Variants in OSBPL5 observed in about 807,000 individuals in gnomAD.
The protein encoded by OSBPL5 is oxysterol-binding protein-related protein 5.
In OSBPL5, 71 loss-of-function variants were observed where a neutral mutation model predicts 111.2. That is an observed-to-expected ratio of 0.64 (90% CI 0.53 to 0.78). The LOEUF is 0.78. Ranked by LOEUF, OSBPL5 falls within the 30% of genes least tolerant of loss-of-function variation. OSBPL5 has a pLI of 0.00. For missense variants in OSBPL5, 1,210 were observed against 1,189.3 expected (o/e 1.02, Z -0.26); for synonymous variants, 549 against 513.9 (o/e 1.07, Z -0.93).
At chr11:3,152,160 G>A (rs1407817293) in intron 1 of OSBPL5, among the ~76,000 whole-genome samples, 1 of 152,208 alleles carries the variant, frequency 6.6e-6, no homozygotes, top group African/African-American at 2.4e-5. Context: ...TGGCCCTGGG[G>A]GCAAAGCTCA....
In OSBPL5 at chr11:3,141,970, T is replaced by C. The variant is rs935934628; in HGVS notation, c.-21-12801A>G. ...CTCTGTTGCCCAGACTGGAGTACAA[T>C]GGCACGATCTTGGCTCACTGCAACC... On this transcript the variant is annotated intron_variant, in intron 1 of 21. Transcript: ENST00000263650. The surrounding 1 kb of genome is among the most constrained non-coding windows in gnomAD (Gnocchi z 6.5). 6.6e-6 allele frequency among the ~76,000 whole-genome samples: 1 copy of C among 152,222 alleles called. No individual in the cohort carries two copies. The highest frequency in any genetic ancestry group is 1.5e-5 in the Non-Finnish European group (1 of 68,036).
chr11:3,122,553 G>T (rs535377357), intron 3 of OSBPL5, 125 bp from the exon 4 acceptor site: 4 of 785,310 alleles, frequency 5.1e-6, no homozygotes, highest in South Asian at 2.0e-5. Context: ...CTCGTTTCCC[G>T]CCTGGCACCC....
At chr11:3,117,501 T>G (rs960584463) in intron 7 of OSBPL5, among the ~76,000 whole-genome samples, 1 of 152,228 alleles carries the variant, frequency 6.6e-6, no homozygotes, top group Admixed American at 6.5e-5. Context: ...TAATTACTCT[T>G]GCTGCACTGT....
At position 3,112,478 on chromosome 11, in the gene OSBPL5, CTTTT is replaced by C. The variant is rs559601032; in HGVS notation, c.692-4537_692-4534del. On this transcript the variant is annotated intron_variant, in intron 7 of 21. Coordinates refer to ENST00000263650, the MANE Select transcript of OSBPL5 (RefSeq NM_020896.4). Reference sequence around the variant, plus strand: ...TGTAACCTGTTTTGTGTTTTCTTTTCTTTTTTTTTTTTTTTTTGACTAAAGTAGT... The same window carrying C: ...TGTAACCTGTTTTGTGTTTTCTTTTCTTTTTTTTTTTTTGACTAAAGTAGT... Among the ~76,000 whole-genome samples the C allele has an allele frequency of 1.1e-4, 12 of 108,780 alleles. No individual in the cohort carries two copies. The East Asian group carries it at 1.7e-3, about 16-fold the overall frequency. The allele number at this position is 108,780 out of a possible 152,430, so 71.4% of individuals were successfully genotyped here. A position where few individuals can be genotyped will look rare whatever the true frequency, so the allele number is the denominator to read the frequency against.
Position 3,140,950 on chromosome 11 carries a change from C to T in OSBPL5, c.-21-11781G>A, listed in dbSNP as rs559105096. On this transcript the variant is annotated intron_variant, in intron 1 of 21. Coordinates refer to ENST00000263650, the MANE Select transcript of OSBPL5 (RefSeq NM_020896.4). This position sits in a 1 kb window ranked among gnomAD's most constrained non-coding sequence, Gnocchi z 4.5. ...GACCACCTCAGAGCCACTCCTTCCC[C>T]GATGCCATCTGTCAAGGGTCAGGGG... Among the ~76,000 whole-genome samples the T allele has an allele frequency of 5.3e-5, 8 of 152,172 alleles. No homozygotes were observed. Among genetic ancestry groups the T allele is most frequent in the South Asian group, 2.1e-4 (1 of 4,826 alleles).
In OSBPL5 at chr11:3,107,621, G is replaced by A. The variant is rs193153891; in HGVS notation, c.866+150C>T. On this transcript the variant is annotated intron_variant, in intron 8 of 21. Transcript: ENST00000263650. The surrounding 1 kb of genome is among the most constrained non-coding windows in gnomAD (Gnocchi z 6.1). Reference sequence around the variant, plus strand: ...CAGCCCCGTTTTAGAGGAAGGAACCGAGGCTCCCAGGGCACACTGCAGCGA... The same window carrying A: ...CAGCCCCGTTTTAGAGGAAGGAACCAAGGCTCCCAGGGCACACTGCAGCGA... 18 of 1,354,504 alleles carry A rather than the reference G, an allele frequency of 1.3e-5. No homozygotes were observed. The African/African-American group carries it at 1.6e-4, about 12-fold the overall frequency. 83.9% of individuals were successfully genotyped at this position (1,354,504 alleles called of 1,614,324 possible).
intron 1 of OSBPL5, among the ~76,000 whole-genome samples, chr11:3,144,335 A>G (rs1040884800): frequency 3.9e-5 from 6 of 152,168 alleles, no homozygotes; most frequent in Non-Finnish European, 8.8e-5. Context: ...GACATGGTAA[A>G]GCCCCATGAC....
rs1049783188 is a variant in OSBPL5 at position 3,162,788 on chromosome 11, T to A, written c.-22+2428A>T. 1.3e-5 allele frequency among the ~76,000 whole-genome samples: 2 copies of A among 151,924 alleles called. No individual in the cohort carries two copies. The highest frequency in any genetic ancestry group is 2.4e-5 in the African/African-American group (1 of 41,360). On this transcript the variant is annotated intron_variant, in intron 1 of 21. Transcript: ENST00000263650. The surrounding 1 kb of genome is among the most constrained non-coding windows in gnomAD (Gnocchi z 8.1). ...GGTAAGTCATCAAGCAAAGCTGGCA[T>A]CGAGAACAATATTCTTTTCCTTTGT...
Position 3,162,206 on chromosome 11 carries a change from T to G in OSBPL5, c.-22+3010A>C, listed in dbSNP as rs1028315940. ...AAAGGGGAGCCTACTAGGTAGCTGATGTGGAGCTCCAGGCAAGAGCTGGTA... is the reference window on the plus strand; with the variant it reads ...AAAGGGGAGCCTACTAGGTAGCTGAGGTGGAGCTCCAGGCAAGAGCTGGTA... On this transcript the variant is annotated intron_variant, in intron 1 of 21. Coordinates refer to ENST00000263650, the MANE Select transcript of OSBPL5 (RefSeq NM_020896.4). The surrounding 1 kb of genome is among the most constrained non-coding windows in gnomAD (Gnocchi z 8.1). Among the ~76,000 whole-genome samples the G allele has an allele frequency of 6.6e-6, 1 of 151,884 alleles. No homozygotes were observed.
At chr11:3,153,809 G>A (rs558445747) in intron 1 of OSBPL5, among the ~76,000 whole-genome samples, 36 of 152,254 alleles carry the variant, frequency 2.4e-4, no homozygotes, top group Admixed American at 6.5e-4. Context: ...GCCCGGCTGC[G>A]GGTGACGGGT....
At chr11:3,159,814 A>G (rs1403320952) in intron 1 of OSBPL5, among the ~76,000 whole-genome samples, 2 of 152,086 alleles carry the variant, frequency 1.3e-5, no homozygotes, top group Non-Finnish European at 1.5e-5. Context: ...CACCCACACA[A>G]TGGCTGATGC....
At position 3,104,257 on chromosome 11, in the gene OSBPL5, G is replaced by C. The variant is rs775213446; in HGVS notation, c.1180C>G (p.Leu394Val). 6.2e-7 allele frequency: 1 copy of C among 1,613,754 alleles called. No individual in the cohort carries two copies. ...TTGTTCAGGAAGGAGCGCGGCTCCAGTACGAACGTGGGTAGCACCACGCGG... is the reference window on the plus strand; with the variant it reads ...TTGTTCAGGAAGGAGCGCGGCTCCACTACGAACGTGGGTAGCACCACGCGG... ...LSRVVLPTFV[L>V]EPRSFLNKLS... is the part of the protein sequence containing the mutation. Residue 394 changes from leucine (L) to valine (V), a missense_variant, in exon 10 of 22, where the codon CTG (leucine) becomes GTG (valine). Coordinates refer to ENST00000263650, the MANE Select transcript of OSBPL5 (RefSeq NM_020896.4). The surrounding 1 kb of genome is among the most constrained non-coding windows in gnomAD (Gnocchi z 5.0).
At chr11:3,133,720 C>G (rs1053609501) in intron 1 of OSBPL5, among the ~76,000 whole-genome samples, 1 of 152,276 alleles carries the variant, frequency 6.6e-6, no homozygotes, top group Non-Finnish European at 1.5e-5. Flanking sequence ...GTGATCTCAT[C>G]CTGCCCCCAC....
At chr11:3,122,466 G>T in intron 3 of OSBPL5, 38 bp from the exon 4 acceptor site, 1 of 1,600,294 alleles carries the variant, frequency 6.2e-7, no homozygotes, top group East Asian at 2.2e-5. Flanking sequence ...CAGGGCACAG[G>T]GGCCGGCCCA....
At chr11:3,149,408 G>A (rs926059369) in intron 1 of OSBPL5, among the ~76,000 whole-genome samples, 4 of 152,236 alleles carry the variant, frequency 2.6e-5, no homozygotes, top group African/African-American at 9.6e-5. Context: ...TCTGGTGAGG[G>A]AGGCAGTGAG....
chr11:3,143,032 G>A (rs1430066478), intron 1 of OSBPL5, among the ~76,000 whole-genome samples: 5 of 39,408 alleles, frequency 1.3e-4, no homozygotes, highest in East Asian at 5.7e-4. Context: ...GGCAGGTGCG[G>A]GGGGGGGCAG....
intron 3 of OSBPL5, among the ~76,000 whole-genome samples, chr11:3,124,914 G>C (rs767781679): frequency 6.6e-6 from 1 of 152,182 alleles, no homozygotes; most frequent in African/African-American, 2.4e-5. Flanking sequence ...GTGTGTATTT[G>C]AGGCAACAGG....
Position 3,140,487 on chromosome 11 carries a change from C to A in OSBPL5, c.-21-11318G>T, listed in dbSNP as rs938451799. ...AGGGGTCCCAGTCTGAGGGGGAACA[C>A]AAGGCCTTGACCTGGTAGCCCACTT... On this transcript the variant is annotated intron_variant, in intron 1 of 21. Transcript: ENST00000263650. The surrounding 1 kb of genome is among the most constrained non-coding windows in gnomAD (Gnocchi z 4.5). Among the ~76,000 whole-genome samples, 16 of 152,150 alleles carry A rather than the reference C, an allele frequency of 1.1e-4. No homozygotes were observed. Among genetic ancestry groups the A allele is most frequent in the African/African-American group, 3.9e-4 (16 of 41,422 alleles).
chr11:3,095,079 C>G (rs1330762053), intron 14 of OSBPL5, among the ~76,000 whole-genome samples: 1 of 152,006 alleles, frequency 6.6e-6, no homozygotes. Flanking sequence ...GCAACAAAGG[C>G]TTGAAACACC....
Sources: allele counts gnomAD v4.1 joint callset (sites outside exome capture counted in the v4.1 genomes callset), GRCh38; gene constraint gnomAD v4.1.1; non-coding constraint Gnocchi (gnomAD v3.1); transcripts MANE v1.5; gene names NCBI Gene and HGNC (gene_info 2026-07-23, HGNC 2026-07-21).